FBXO21: variants seen among roughly 807,000 people sequenced by gnomAD.
FBXO21 encodes the protein F-box protein 21, also known as F-box only protein 21.
In FBXO21, 32 loss-of-function variants were observed where a neutral mutation model predicts 76.6. That is an observed-to-expected ratio of 0.42 (90% confidence interval 0.32 to 0.56). FBXO21 has a LOEUF of 0.56. Ranked by LOEUF, FBXO21 falls within the 20% of genes least tolerant of loss-of-function variation. The pLI, the probability that FBXO21 is intolerant of heterozygous loss-of-function variation, is 0.16. For synonymous variants in FBXO21, 328 were observed against 311.5 expected (o/e 1.05, Z -0.56); for missense variants, 586 against 797.3 (o/e 0.73, Z 3.19).
At chr12:117,186,361 T>C (rs931391716) in intron 3 of FBXO21, 116 bp downstream of exon 3, 4 of 736,450 alleles carry the variant, frequency 5.4e-6, no homozygotes, top group Non-Finnish European at 9.4e-6. Flanking sequence ...ACTGTAACTA[T>C]GACAAGGCGT....
intron 11 of FBXO21, among the ~76,000 whole-genome samples, chr12:117,147,344 G>C (rs1486374099): frequency 2.7e-5 from 4 of 146,458 alleles, no homozygotes; most frequent in Non-Finnish European, 6.0e-5. Context: ...GCTCATGCCT[G>C]TAATCCCAGC....
intron 10 of FBXO21, among the ~76,000 whole-genome samples, chr12:117,156,595 G>C (rs1009669026): frequency 5.9e-5 from 9 of 152,190 alleles, no homozygotes; most frequent in African/African-American, 2.2e-4. Flanking sequence ...TCTGGCACTT[G>C]CGTCAATTAA....
intron 6 of FBXO21, 125 bp from the exon 7 acceptor site, chr12:117,172,732 G>A (rs1956129918): frequency 1.0e-6 from 1 of 953,508 alleles, no homozygotes. Context: ...GCTTAAGTGA[G>A]TATTTCACTT....
intron 11 of FBXO21, among the ~76,000 whole-genome samples, chr12:117,151,260 A>G (rs1027364581): frequency 6.6e-6 from 1 of 152,170 alleles, no homozygotes; most frequent in Non-Finnish European, 1.5e-5. Flanking sequence ...TCTCCCACCC[A>G]GGGCCATGAA....
chr12:117,150,953 AGTTT>A (rs1303920206), intron 11 of FBXO21, among the ~76,000 whole-genome samples: 9 of 77,390 alleles, frequency 1.2e-4, no homozygotes, highest in African/African-American at 3.5e-4. Flanking sequence ...GTATCAAATA[AGTTT>A]GTGTGTGTGT....
At chr12:117,165,203 C>T (rs533441333) in intron 9 of FBXO21, among the ~76,000 whole-genome samples, 2 of 152,154 alleles carry the variant, frequency 1.3e-5, no homozygotes, top group African/African-American at 2.4e-5. Context: ...TTGGGGAAAA[C>T]GATCTGAGGG....
intron 9 of FBXO21, among the ~76,000 whole-genome samples, chr12:117,158,829 T>A (rs1345112811): frequency 1.3e-5 from 2 of 152,228 alleles, no homozygotes; most frequent in South Asian, 4.1e-4. Flanking sequence ...CCGCCTCTAC[T>A]GCACACAGTG....
intron 3 of FBXO21, among the ~76,000 whole-genome samples, chr12:117,184,574 A>C (rs12370592): frequency 0.2 from 30,268 of 152,050 alleles, 3,423 homozygotes; most frequent in East Asian, 0.43. Context: ...ACCAAGAGGG[A>C]GAAACACCGT....
In FBXO21 at chr12:117,145,785, G is replaced by A. The variant is rs185116394; in HGVS notation, c.*302C>T. The stretch of plus-strand genomic sequence containing the variant: ...TACAAAGAATGATTACAGGAGCGTC[G>A]ACTGTGAGACCTCATGAAGACAGAA... On this transcript the variant is annotated 3_prime_UTR_variant, in exon 12 of 12. Coordinates refer to ENST00000622495, the MANE Select transcript of FBXO21 (RefSeq NM_015002.3). 457 of 229,370 alleles carry A rather than the reference G, an allele frequency of 2.0e-3. 7 individuals carry two copies. Among genetic ancestry groups the A allele is most frequent in the Admixed American group, 2.1e-3 (40 of 18,718 alleles). The allele number at this position is 229,370 out of a possible 1,614,324, so 14.2% of individuals were successfully genotyped here.
chr12:117,155,364 C>T (rs1410684389), intron 11 of FBXO21: 2 of 182,702 alleles, frequency 1.1e-5, no homozygotes, highest in African/African-American at 2.4e-5. Context: ...GCAGTTCCCA[C>T]AGGTGGCCAC....
chr12:117,183,027 A>G (rs1956250346), intron 3 of FBXO21, among the ~76,000 whole-genome samples: 4 of 152,130 alleles, frequency 2.6e-5, no homozygotes, highest in Admixed American at 2.0e-4. Context: ...CAGGGGTTTG[A>G]GTCTGCAGTG....
chr12:117,165,145 G>A (rs1178338573), intron 9 of FBXO21, among the ~76,000 whole-genome samples: 1 of 152,164 alleles, frequency 6.6e-6, no homozygotes, highest in Non-Finnish European at 1.5e-5. Context: ...AGTACAGCTG[G>A]AGGTTGACCA....
At chr12:117,166,183 T>C (rs1321004550) in intron 8 of FBXO21, among the ~76,000 whole-genome samples, 2 of 122,106 alleles carry the variant, frequency 1.6e-5, no homozygotes, top group African/African-American at 6.7e-5. Context: ...AGAGCGAAAC[T>C]ATGTCTCAAA....
intron 3 of FBXO21, among the ~76,000 whole-genome samples, chr12:117,183,798 G>A (rs1956258022): frequency 6.6e-6 from 1 of 152,106 alleles, no homozygotes; most frequent in Admixed American, 6.5e-5. Context: ...CTATTTTCTT[G>A]AGGAATGTTC....
chr12:117,178,982 C>G (rs963025897), intron 3 of FBXO21, among the ~76,000 whole-genome samples: 21 of 152,112 alleles, frequency 1.4e-4, no homozygotes, highest in African/African-American at 5.1e-4. Flanking sequence ...TTCCATAACA[C>G]TTGTTGAGTG....
intron 3 of FBXO21, among the ~76,000 whole-genome samples, chr12:117,179,339 T>C (rs954630197): frequency 6.6e-6 from 1 of 152,228 alleles, no homozygotes; most frequent in Non-Finnish European, 1.5e-5. Flanking sequence ...CACACCTCTA[T>C]GGTCATCACT....
intron 7 of FBXO21, among the ~76,000 whole-genome samples, chr12:117,171,017 T>C (rs1436231298): frequency 1.3e-5 from 2 of 152,076 alleles, no homozygotes; most frequent in Non-Finnish European, 2.9e-5. Flanking sequence ...AAGGGAAGCC[T>C]GTATGGGTAT....
At chr12:117,155,716 A>ACCTAC in intron 11 of FBXO21, 75 bp downstream of exon 11, 1 of 1,477,294 alleles carries the variant, frequency 6.8e-7, no homozygotes, top group Non-Finnish European at 9.2e-7. Flanking sequence ...CGCCCACAGT[A>ACCTAC]CCTACCCGAG....
rs765793391 is a variant in FBXO21 at position 117,142,924 on chromosome 12, T to C, written c.*3163A>G. 2 of 152,132 alleles carry C rather than the reference T, an allele frequency of 1.3e-5. No homozygotes were observed. Among genetic ancestry groups the C allele is most frequent in the South Asian group, 2.1e-4 (1 of 4,818 alleles). 9.4% of individuals were successfully genotyped at this position (152,132 alleles called of 1,614,324 possible). On this transcript the variant is annotated 3_prime_UTR_variant, in exon 12 of 12. Transcript: ENST00000622495. ...AAATGAGAACGGGACTTTAAGTAGATAGTATGCAATGGAAAACTGAGCCGG... is the reference window on the plus strand; with the variant it reads ...AAATGAGAACGGGACTTTAAGTAGACAGTATGCAATGGAAAACTGAGCCGG...
Sources: allele counts gnomAD v4.1 joint callset (sites outside exome capture counted in the v4.1 genomes callset), GRCh38; gene constraint gnomAD v4.1.1; transcripts MANE v1.5; gene names NCBI Gene and HGNC (gene_info 2026-07-23, HGNC 2026-07-21).